The following SPAG16 variants were observed in gnomAD, a reference collection of about 807,000 sequenced individuals.
SPAG16 encodes sperm-associated antigen 16 protein.
A neutral mutation model predicts 80.4 loss-of-function variants in SPAG16; 86 were observed. The observed-to-expected ratio is 1.07, with a 90% CI of 0.90 to 1.28. The LOEUF is 1.28. Among genes scored for constraint, SPAG16 ranks in the 50% most tolerant of loss-of-function variants. The probability of loss-of-function intolerance (pLI) is 0.00; values close to 1 mark genes in which losing one functional copy is unlikely to be tolerated. For missense variants in SPAG16, 870 were observed against 765.3 expected, an observed-to-expected ratio of 1.14 and a Z score of -1.61; for synonymous variants, 294 against 265.9, an observed-to-expected ratio of 1.11 and a Z score of -1.03.
At chr2:213,421,982 A>C (rs961392196) in intron 9 of SPAG16, among the ~76,000 whole-genome samples, 1 of 152,142 alleles carries the variant, frequency 6.6e-6, no homozygotes, top group African/African-American at 2.4e-5. Context: ...GTCACCCAGT[A>C]AAGTTCCTCT....
intron 10 of SPAG16, among the ~76,000 whole-genome samples, chr2:213,540,973 G>A (rs975100564): frequency 2.0e-4 from 31 of 152,238 alleles, no homozygotes; most frequent in African/African-American, 7.0e-4. Flanking sequence ...GTGTGTGTGC[G>A]TGTGCACGCA....
At chr2:214,098,063 C>T (rs1280023683) in intron 13 of SPAG16, among the ~76,000 whole-genome samples, 2 of 152,140 alleles carry the variant, frequency 1.3e-5, no homozygotes, top group Admixed American at 1.3e-4. Flanking sequence ...ACATTATATG[C>T]TTGTATGATA....
At position 213,942,775 on chromosome 2, in the gene SPAG16, G is replaced by A. The variant is rs79153377; in HGVS notation, c.1400+12630G>A. On this transcript the variant is annotated intron_variant, in intron 12 of 15. Transcript: ENST00000331683. Reference sequence around the variant, plus strand: ...GCCAATATTAGAGTTCATGTGGGAGGGGAATACTCAAAAGTGTGCATATAG... The same window carrying A: ...GCCAATATTAGAGTTCATGTGGGAGAGGAATACTCAAAAGTGTGCATATAG... Among the ~76,000 whole-genome samples, 36 of 152,196 alleles carry A rather than the reference G, an allele frequency of 2.4e-4. 1 individual carries two copies. The East Asian group carries it at 7.0e-3, about 29-fold the overall frequency.
At position 213,387,757 on chromosome 2, in the gene SPAG16, C is replaced by T. The variant is rs369516633; in HGVS notation, c.942+12638C>T. Among the ~76,000 whole-genome samples the T allele has an allele frequency of 4.6e-5, 7 of 151,944 alleles. No individual in the cohort carries two copies. In the East Asian group the frequency reaches 1.2e-3, roughly 25 times the overall value. On this transcript the variant is annotated intron_variant, in intron 9 of 15. Transcript: ENST00000331683. ...GCGTGAGCCACCGCGCCCGGCCATG[C>T]ATGCTCTTTTAAAAGAAAATTCTTC...
At chr2:213,861,278 T>C (rs765087855) in intron 10 of SPAG16, among the ~76,000 whole-genome samples, 5 of 152,194 alleles carry the variant, frequency 3.3e-5, no homozygotes, top group Non-Finnish European at 5.9e-5. Flanking sequence ...TTGATAATTT[T>C]AGAGTTTAAT....
At chr2:213,852,611 C>A (rs1043063574) in intron 10 of SPAG16, among the ~76,000 whole-genome samples, 1 of 152,152 alleles carries the variant, frequency 6.6e-6, no homozygotes, top group Non-Finnish European at 1.5e-5. Context: ...GCCCTTAGAC[C>A]ATCCTAAAGG....
At chr2:213,771,609 C>A (rs1376713004) in intron 10 of SPAG16, among the ~76,000 whole-genome samples, 1 of 151,950 alleles carries the variant, frequency 6.6e-6, no homozygotes, top group Non-Finnish European at 1.5e-5. Flanking sequence ...GTCTTTAATC[C>A]ATCTTGAATT....
intron 10 of SPAG16, among the ~76,000 whole-genome samples, chr2:213,558,079 GAATA>G (rs1396737169): frequency 1.3e-5 from 2 of 152,058 alleles, no homozygotes; most frequent in Non-Finnish European, 2.9e-5. Context: ...TCCAATGAAT[GAATA>G]CTTTATAAAT....
chr2:214,397,215 G>A (rs1487082955), intron 15 of SPAG16, among the ~76,000 whole-genome samples: 3 of 149,874 alleles, frequency 2.0e-5, no homozygotes, highest in South Asian at 2.1e-4. Context: ...GAATGCAGTG[G>A]TGCAATCTCG....
chr2:213,625,457 A>T lies in SPAG16; in HGVS notation c.1070+135367A>T, dbSNP rs1227658116. On this transcript the variant is annotated intron_variant, in intron 10 of 15. Coordinates refer to ENST00000331683, the MANE Select transcript of SPAG16 (RefSeq NM_024532.5). ...ACCGACTATGTACCCACAACAATTT[A>T]AAAAAATAAAATAAAATGACTTCTC... is the stretch of plus-strand genomic sequence containing the variant. Among the ~76,000 whole-genome samples the T allele has an allele frequency of 2.6e-5, 4 of 152,102 alleles. No homozygotes were observed. In the East Asian group the frequency reaches 5.8e-4, roughly 22 times the overall value.
intron 12 of SPAG16, among the ~76,000 whole-genome samples, chr2:213,955,102 C>T (rs769344839): frequency 2.8e-4 from 42 of 151,756 alleles, no homozygotes; most frequent in Non-Finnish European, 4.6e-4. Flanking sequence ...TTTTCTGGCT[C>T]GTCTGTTCAC....
intron 15 of SPAG16, among the ~76,000 whole-genome samples, chr2:214,197,639 TG>T (rs2057881011): frequency 6.6e-6 from 1 of 152,014 alleles, no homozygotes; most frequent in African/African-American, 2.4e-5. Context: ...AAAACTGTTT[TG>T]GGTACTCTAT....
intron 10 of SPAG16, among the ~76,000 whole-genome samples, chr2:213,661,806 G>A (rs1204186710): frequency 6.6e-6 from 1 of 152,066 alleles, no homozygotes; most frequent in East Asian, 1.9e-4. Flanking sequence ...TCAAAAATGT[G>A]TTACTTATGT....
At chr2:214,167,525 A>G (rs1354509996) in intron 15 of SPAG16, among the ~76,000 whole-genome samples, 1 of 152,080 alleles carries the variant, frequency 6.6e-6, no homozygotes, top group African/African-American at 2.4e-5. Flanking sequence ...GGGTGGTTCC[A>G]AACTGGAGAA....
At chr2:214,358,379 C>T (rs1377253948) in intron 15 of SPAG16, among the ~76,000 whole-genome samples, 3 of 151,904 alleles carry the variant, frequency 2.0e-5, no homozygotes, top group Non-Finnish European at 4.4e-5. Context: ...GATACCTTAT[C>T]TTTAGAAATT....
At chr2:213,778,017 G>A (rs1281903341) in intron 10 of SPAG16, among the ~76,000 whole-genome samples, 1 of 151,968 alleles carries the variant, frequency 6.6e-6, no homozygotes, top group African/African-American at 2.4e-5. Flanking sequence ...CTTAGGAAAG[G>A]TGCTAGATAA....
chr2:213,469,403 GGT>G (rs750572983), intron 9 of SPAG16, among the ~76,000 whole-genome samples: 3 of 152,008 alleles, frequency 2.0e-5, no homozygotes, highest in Non-Finnish European at 4.4e-5. Context: ...TCTTAGTACA[GGT>G]GTATACATGC....
intron 10 of SPAG16, among the ~76,000 whole-genome samples, chr2:213,742,116 C>T (rs1486302172): frequency 7.0e-6 from 1 of 141,936 alleles, no homozygotes; most frequent in Non-Finnish European, 1.5e-5. Flanking sequence ...TGGTTTTGTA[C>T]TTGCTGTTCT....
At chr2:214,298,115 C>CAA (rs1282047677) in intron 15 of SPAG16, among the ~76,000 whole-genome samples, 2 of 46,952 alleles carry the variant, frequency 4.3e-5, no homozygotes, top group East Asian at 1.6e-3. Context: ...TATATATATA[C>CAA]ACACACACAC....
Sources: allele counts gnomAD v4.1 joint callset (sites outside exome capture counted in the v4.1 genomes callset), GRCh38; gene constraint gnomAD v4.1.1; transcripts MANE v1.5; gene names NCBI Gene and HGNC (gene_info 2026-07-23, HGNC 2026-07-21).